The following TENM3 variants were observed in gnomAD, a reference collection of about 807,000 sequenced individuals.
TENM3 encodes the protein teneurin-3.
Under a neutral mutation model 255.1 loss-of-function variants are expected in TENM3, and 63 were observed. The observed-to-expected ratio is 0.25, with a 90% confidence interval of 0.20 to 0.30. TENM3 has a LOEUF of 0.30. TENM3 is among the 10% of genes least tolerant of loss of function. The pLI is 1.00. For synonymous variants in TENM3, 1,306 were observed against 1,322.3 expected (o/e 0.99, Z 0.27); for missense variants, 2,929 against 3,461.1 (o/e 0.85, Z 3.86).
In TENM3 at chr4:182,628,825, A is replaced by T. The variant is rs769425729; in HGVS notation, c.924A>T (p.Lys308Asn). The T allele has an allele frequency of 9.9e-6, 16 of 1,611,174 alleles. No individual in the cohort carries two copies. The highest frequency in any genetic ancestry group is 1.2e-5 in the Non-Finnish European group (14 of 1,178,776). ...AGTCTTCAAAGTACTGTAGCTGGAA[A>T]TGCACTGCACTGTGTGCCGTAGGGG... ...FKKSSKYCSW[K>N]CTALCAVGVS... Residue 308 changes from lysine (K) to asparagine (N), a missense_variant, in exon 5 of 28, where the codon AAA becomes AAT. Transcript: ENST00000511685.
chr4:182,038,495 A>G, the TENM3 span, among the ~76,000 whole-genome samples: 1 of 152,136 alleles, frequency 6.6e-6, no homozygotes, highest in Non-Finnish European at 1.5e-5. Context: ...GTCTTGCTCA[A>G]GGTTATACTG....
chr4:181,832,298 C>T, the TENM3 span, among the ~76,000 whole-genome samples: 1 of 152,116 alleles, frequency 6.6e-6, no homozygotes, highest in Admixed American at 6.5e-5. Context: ...GCAATGTGGC[C>T]AATTTTTTTA....
chr4:182,438,218 C>T (rs954604840), intron 3 of TENM3, among the ~76,000 whole-genome samples: 1 of 152,134 alleles, frequency 6.6e-6, no homozygotes, highest in African/African-American at 2.4e-5. Context: ...TGTGATGTTT[C>T]TTTGCTCCTT....
chr4:182,766,801 A>C (rs958584691), intron 22 of TENM3, among the ~76,000 whole-genome samples: 6 of 152,116 alleles, frequency 3.9e-5, no homozygotes, highest in African/African-American at 1.4e-4. Context: ...TATGGAGCAA[A>C]GCACGGGTCA....
At chr4:182,257,987 T>A (rs1758532962) in intron 1 of TENM3, among the ~76,000 whole-genome samples, 1 of 152,118 alleles carries the variant, frequency 6.6e-6, no homozygotes, top group Admixed American at 6.5e-5. Flanking sequence ...TGTATCCTGA[T>A]TGAAAAATAT....
At chr4:182,701,660 C>T (rs1156399753) in intron 12 of TENM3, among the ~76,000 whole-genome samples, 1 of 152,198 alleles carries the variant, frequency 6.6e-6, no homozygotes, top group Non-Finnish European at 1.5e-5. Flanking sequence ...GGTTATTTCA[C>T]TTACTCTAAC....
chr4:182,479,962 T>C (rs974252278), intron 3 of TENM3, among the ~76,000 whole-genome samples: 1 of 152,000 alleles, frequency 6.6e-6, no homozygotes, highest in Non-Finnish European at 1.5e-5. Context: ...AATAAATGTA[T>C]TTAGAAAAGA....
chr4:181,757,704 C>T, the TENM3 span, among the ~76,000 whole-genome samples: 3 of 152,136 alleles, frequency 2.0e-5, no homozygotes, highest in African/African-American at 7.2e-5. Context: ...TAAAATATCT[C>T]TTGAATGAAA....
At chr4:181,571,190 A>ATAGTGCC in the TENM3 span, among the ~76,000 whole-genome samples, 1 of 152,146 alleles carries the variant, frequency 6.6e-6, no homozygotes, top group Non-Finnish European at 1.5e-5. Context: ...TGTCTTCGGA[A>ATAGTGCC]TTCGAGGAAG....
intron 1 of TENM3, among the ~76,000 whole-genome samples, chr4:182,311,841 C>A (rs1402627230): frequency 6.6e-6 from 1 of 152,222 alleles, no homozygotes; most frequent in African/African-American, 2.4e-5. Context: ...GACTTCCCAA[C>A]TATCACTGGG....
At chr4:181,883,294 G>A in the TENM3 span, among the ~76,000 whole-genome samples, 1 of 152,048 alleles carries the variant, frequency 6.6e-6, no homozygotes. Flanking sequence ...ACGTGTGTGT[G>A]TTTAGTTGAA....
At chr4:182,303,085 G>A (rs1044449924) in intron 1 of TENM3, among the ~76,000 whole-genome samples, 6 of 151,528 alleles carry the variant, frequency 4.0e-5, no homozygotes, top group South Asian at 2.1e-4. Context: ...TGGGAATTGC[G>A]GCATTCTCGG....
chr4:182,515,894 T>C (rs913984909), intron 3 of TENM3, among the ~76,000 whole-genome samples: 14 of 152,246 alleles, frequency 9.2e-5, no homozygotes, highest in African/African-American at 3.1e-4. Context: ...AACCTTGTGA[T>C]TCCACACACA....
chr4:182,594,011 T>C (rs1746933723), intron 3 of TENM3, among the ~76,000 whole-genome samples: 1 of 151,696 alleles, frequency 6.6e-6, no homozygotes, highest in South Asian at 2.1e-4. Flanking sequence ...AGCCCAGATA[T>C]GCATTGTTTT....
At chr4:182,735,266 T>G (rs575115028) in intron 16 of TENM3, among the ~76,000 whole-genome samples, 1 of 152,196 alleles carries the variant, frequency 6.6e-6, no homozygotes, top group Admixed American at 6.5e-5. Flanking sequence ...GTATCTACAT[T>G]AGAAATGCCT....
the TENM3 span, among the ~76,000 whole-genome samples, chr4:181,674,604 C>A: frequency 6.6e-6 from 1 of 152,028 alleles, no homozygotes; most frequent in African/African-American, 2.4e-5. Context: ...TTCCCACAGA[C>A]CTTCTATTAG....
chr4:182,362,628 C>T (rs1463964228), intron 3 of TENM3, among the ~76,000 whole-genome samples: 1 of 152,174 alleles, frequency 6.6e-6, no homozygotes, highest in East Asian at 1.9e-4. Context: ...CCGTCTGTCA[C>T]CCCTTTCTTT....
chr4:182,482,547 C>T (rs1734301417), intron 3 of TENM3, among the ~76,000 whole-genome samples: 2 of 152,242 alleles, frequency 1.3e-5, no homozygotes, highest in South Asian at 4.1e-4. Flanking sequence ...ATCTTCACTG[C>T]ACTGTAGGTT....
the TENM3 span, among the ~76,000 whole-genome samples, chr4:181,579,999 ATTTT>A: frequency 1.3e-5 from 1 of 77,852 alleles, no homozygotes; most frequent in Non-Finnish European, 2.6e-5. Flanking sequence ...ATTTTATTTT[ATTTT>A]ATTTATTTTT....
Sources: gnomAD v4.1 joint callset for allele counts (sites outside exome capture counted in the v4.1 genomes callset) on GRCh38, gnomAD v4.1.1 for gene constraint, MANE v1.5 for transcripts, NCBI Gene and HGNC (gene_info 2026-07-23, HGNC 2026-07-21) for gene names.